The following ATP11A variants were observed in gnomAD, a reference collection of about 807,000 sequenced individuals.
ATP11A encodes phospholipid-transporting ATPase IH.
In ATP11A, 81 loss-of-function variants were observed where a neutral mutation model predicts 154.4. That is an observed-to-expected ratio of 0.52 (90% CI 0.44 to 0.63). The LOEUF (loss-of-function observed/expected upper bound fraction) is 0.63. ATP11A is among the 30% of genes least tolerant of loss of function. The probability of loss-of-function intolerance (pLI) is 0.00; values close to 1 mark genes in which losing one functional copy is unlikely to be tolerated. For synonymous variants in ATP11A, 623 were observed against 585.9 expected, an observed-to-expected ratio of 1.06 and a Z score of -0.91; for missense variants, 1,316 against 1,474.3, an observed-to-expected ratio of 0.89 and a Z score of 1.76.
intron 1 of ATP11A, among the ~76,000 whole-genome samples, chr13:112,714,945 C>A (rs186793002): frequency 6.8e-4 from 103 of 151,868 alleles, no homozygotes; most frequent in African/African-American, 2.4e-3. Flanking sequence ...CCTCCTTCCC[C>A]CTTCCCGTAG....
intron 5 of ATP11A, among the ~76,000 whole-genome samples, chr13:112,815,730 C>T (rs1399918407): frequency 1.3e-5 from 2 of 152,200 alleles, no homozygotes; most frequent in Non-Finnish European, 1.5e-5. Flanking sequence ...TCTCAGAACT[C>T]GATTACCTGG....
chr13:112,709,198 T>C (rs1362604488), intron 1 of ATP11A, among the ~76,000 whole-genome samples: 1 of 152,206 alleles, frequency 6.6e-6, no homozygotes, highest in African/African-American at 2.4e-5. Flanking sequence ...CTAAGGGGTC[T>C]GGGGAGTCAT....
chr13:112,808,611 C>A (rs1373385647), intron 4 of ATP11A, among the ~76,000 whole-genome samples: 1 of 152,102 alleles, frequency 6.6e-6, no homozygotes, highest in Non-Finnish European at 1.5e-5. Context: ...CTGGGGTCCC[C>A]ATGCTCCCGG....
intron 1 of ATP11A, among the ~76,000 whole-genome samples, chr13:112,766,134 C>T (rs2077071486): frequency 6.6e-6 from 1 of 152,164 alleles, no homozygotes; most frequent in Admixed American, 6.5e-5. Context: ...TCAGATGTGC[C>T]CACCTGCTTG....
In ATP11A at chr13:112,746,268, C is replaced by T. The variant is rs147346689; in HGVS notation, c.40-38867C>T. 6.6e-6 allele frequency: 1 copy of T among 152,292 alleles called. No homozygotes were observed. The highest frequency in any genetic ancestry group is 1.5e-5 in the Non-Finnish European group (1 of 68,046). The allele number at this position is 152,292 out of a possible 1,614,324, so 9.4% of individuals were successfully genotyped here. ...CTCTGAGGAACCTCCGTGCTGTCTC[C>T]ATAGCAGCCGTGTCGTTTCACACTT... On this transcript the variant is annotated intron_variant, in intron 1 of 29. Coordinates refer to ENST00000375645, the MANE Select transcript of ATP11A (RefSeq NM_015205.3). The surrounding 1 kb of genome is among the most constrained non-coding windows in gnomAD (Gnocchi z 4.1).
rs897492055 is a variant in ATP11A, at chr13:112,886,202, C to T, written c.*4336C>T. The T allele has an allele frequency of 1.3e-5, 2 of 152,286 alleles. No individual in the cohort carries two copies. Among genetic ancestry groups the T allele is most frequent in the African/African-American group, 4.8e-5 (2 of 41,468 alleles). 9.4% of individuals were successfully genotyped at this position (152,286 alleles called of 1,614,324 possible). ...CTCGAGGGAGGAGGCCAGATGCGGCCAGCGTCTCCAACAGGGTGACCATCC... is the reference window on the plus strand; with the variant it reads ...CTCGAGGGAGGAGGCCAGATGCGGCTAGCGTCTCCAACAGGGTGACCATCC... On this transcript the variant is annotated 3_prime_UTR_variant, in exon 30 of 30. Coordinates refer to ENST00000375645, the MANE Select transcript of ATP11A (RefSeq NM_015205.3).
intron 1 of ATP11A, among the ~76,000 whole-genome samples, chr13:112,782,326 G>C (rs911617371): frequency 6.6e-6 from 1 of 152,138 alleles, no homozygotes; most frequent in Non-Finnish European, 1.5e-5. Flanking sequence ...TTCCAAACCA[G>C]TGTCTGGGCT....
chr13:112,800,443 A>G (rs1398493723), intron 2 of ATP11A, among the ~76,000 whole-genome samples: 1 of 152,180 alleles, frequency 6.6e-6, no homozygotes, highest in African/African-American at 2.4e-5. Context: ...CAAAACTCAA[A>G]CAAGGAGAAA....
chr13:112,741,346 G>C lies in ATP11A; in HGVS notation c.40-43789G>C, dbSNP rs114222727. ...ACACCAGGGATGGAGAAGGTGGCCT[G>C]GTCCCTGCGGGGCTGTGGGGCAGAA... On this transcript the variant is annotated intron_variant, in intron 1 of 29. Transcript: ENST00000375645. 6.0e-3 allele frequency among the ~76,000 whole-genome samples: 906 copies of C among 151,712 alleles called. 12 individuals carry two copies. Among genetic ancestry groups the C allele is most frequent in the African/African-American group, 0.021 (867 of 41,308 alleles).
intron 1 of ATP11A, among the ~76,000 whole-genome samples, chr13:112,712,997 G>A (rs946140180): frequency 2.6e-5 from 4 of 152,254 alleles, no homozygotes; most frequent in Non-Finnish European, 5.9e-5. Context: ...GACGTATCTG[G>A]TTAATGTGAG....
At position 112,859,350 on chromosome 13, in the gene ATP11A, C is replaced by CT; in HGVS notation, c.2668-42dup. On this transcript the variant is annotated intron_variant, in intron 22 of 29. Transcript: ENST00000375645. The surrounding 1 kb of genome is among the most constrained non-coding windows in gnomAD (Gnocchi z 4.3). ...ACGTCGGTAGGTGGCGGCTGCCTCC[C>CT]TCTGTCCCGTCACCGAACTAACAGT... The CT allele has an allele frequency of 6.3e-7, 1 of 1,585,620 alleles. No individual in the cohort carries two copies. Among genetic ancestry groups the CT allele is most frequent in the South Asian group, 1.1e-5 (1 of 90,454 alleles).
chr13:112,693,651 C>T (rs1478927486), intron 1 of ATP11A, among the ~76,000 whole-genome samples: 1 of 151,972 alleles, frequency 6.6e-6, no homozygotes, highest in Non-Finnish European at 1.5e-5. Flanking sequence ...CATGACGTAA[C>T]ACTTTAAAAG....
chr13:112,796,857 G>A (rs1415120318), intron 2 of ATP11A, among the ~76,000 whole-genome samples: 2 of 152,096 alleles, frequency 1.3e-5, no homozygotes, highest in African/African-American at 2.4e-5. Context: ...AGAGACTGAC[G>A]TGGTGTGCAA....
At chr13:112,809,900 G>A (rs1013338143) in intron 4 of ATP11A, among the ~76,000 whole-genome samples, 4 of 152,330 alleles carry the variant, frequency 2.6e-5, no homozygotes, top group South Asian at 2.1e-4. Flanking sequence ...CGGAGTGCAC[G>A]TGTCTGCGCC....
Position 112,804,999 on chromosome 13 carries a change from T to C in ATP11A, c.205T>C (p.Phe69Leu). The change falls in exon 3 of 30, where the codon TTC becomes CTC. Residue 69 changes from phenylalanine to leucine, a missense_variant. By Grantham distance (22) the Phe-to-Leu change is conservative. This residue lies in a region of ATP11A where 123 missense variants were observed against 113.7 expected (regional missense o/e 1.08). Coordinates refer to ENST00000375645, the MANE Select transcript of ATP11A (RefSeq NM_015205.3). ...NFIPKNLFEQ[F>L]RRVANFYFLI... ...TATACCCAAGAATTTATTTGAACAATTCAGAAGAGTAGCCAACTTTTATTT... is the reference window on the plus strand; with the variant it reads ...TATACCCAAGAATTTATTTGAACAACTCAGAAGAGTAGCCAACTTTTATTT... The C allele has an allele frequency of 1.2e-6, 2 of 1,612,420 alleles. No homozygotes were observed. Among genetic ancestry groups the C allele is most frequent in the South Asian group, 2.2e-5 (2 of 90,540 alleles).
At chr13:112,855,086 C>T (rs566979746) in intron 19 of ATP11A, among the ~76,000 whole-genome samples, 1 of 152,308 alleles carries the variant, frequency 6.6e-6, no homozygotes, top group African/African-American at 2.4e-5. Flanking sequence ...GTACATAAAG[C>T]GAAAGCAGCT....
intron 1 of ATP11A, among the ~76,000 whole-genome samples, 198 bp from the exon 2 acceptor site, chr13:112,784,937 G>A (rs2077586460): frequency 1.3e-5 from 2 of 152,214 alleles, no homozygotes; most frequent in Non-Finnish European, 2.9e-5. Flanking sequence ...AGAAGACCTT[G>A]GCCCATGAGG....
chr13:112,826,820 G>T lies in ATP11A; in HGVS notation c.1150G>T (p.Asp384Tyr). ...LGSYFITWDE[D>Y]MFDEETGEGP... ...CTCTTACTTCATCACCTGGGACGAA[G>T]ACATGTTTGACGAGGAGACTGGCGA... is the stretch of plus-strand genomic sequence containing the variant. Residue 384 changes from aspartate to tyrosine, a missense_variant, in exon 12 of 30, where the codon GAC becomes TAC. By Grantham distance (160) the Asp-to-Tyr change is radical. Transcript: ENST00000375645. 6.2e-7 allele frequency: 1 copy of T among 1,614,192 alleles called. No homozygotes were observed. Among genetic ancestry groups the T allele is most frequent in the Non-Finnish European group, 8.5e-7 (1 of 1,180,048 alleles).
At chr13:112,749,307 A>G (rs1028374277) in intron 1 of ATP11A, among the ~76,000 whole-genome samples, 56 of 152,254 alleles carry the variant, frequency 3.7e-4, no homozygotes, top group African/African-American at 1.3e-3. Flanking sequence ...ATAGAAATTA[A>G]GAACTTCTGC....
Sources: allele counts gnomAD v4.1 joint callset (sites outside exome capture counted in the v4.1 genomes callset), GRCh38; gene constraint gnomAD v4.1.1; regional missense constraint gnomAD v4.1.1; non-coding constraint Gnocchi (gnomAD v3.1); transcripts MANE v1.5; gene names NCBI Gene and HGNC (gene_info 2026-07-23, HGNC 2026-07-21).